The following BRD7 variants were observed in gnomAD, a reference collection of about 807,000 sequenced individuals.
BRD7 encodes bromodomain-containing protein 7.
BRD7 carries 15 observed loss-of-function variants against 82.1 expected under a neutral mutation model. That is an observed-to-expected ratio of 0.18 (90% CI 0.12 to 0.28). BRD7 has a LOEUF of 0.28. Among genes scored for constraint, BRD7 ranks in the 10% least tolerant of loss-of-function variants. BRD7 has a pLI of 1.00. For missense variants in BRD7, 638 were observed against 779.9 expected (o/e 0.82, Z 2.17); for synonymous variants, 232 against 266.9 (o/e 0.87, Z 1.27).
chr16:50,320,942 A>G (rs1162095384), intron 13 of BRD7, among the ~76,000 whole-genome samples, 168 bp from the exon 14 acceptor site: 1 of 152,240 alleles, frequency 6.6e-6, no homozygotes, highest in Non-Finnish European at 1.5e-5. Context: ...ACACCCTTTT[A>G]AAATGCTATT....
At chr16:50,327,757 T>C (rs773088123) in intron 9 of BRD7, among the ~76,000 whole-genome samples, 3 of 152,216 alleles carry the variant, frequency 2.0e-5, no homozygotes, top group Non-Finnish European at 4.4e-5. Context: ...TTATTCATTA[T>C]AGACACACAC....
At chr16:50,365,923 G>A (rs1483701479) in intron 2 of BRD7, among the ~76,000 whole-genome samples, 1 of 152,174 alleles carries the variant, frequency 6.6e-6, no homozygotes, top group Non-Finnish European at 1.5e-5. Flanking sequence ...CAAGCACACA[G>A]CTCTGAACTG....
intron 5 of BRD7, among the ~76,000 whole-genome samples, chr16:50,347,082 C>T (rs563116028): frequency 1.3e-5 from 2 of 152,174 alleles, no homozygotes; most frequent in African/African-American, 2.4e-5. Flanking sequence ...TGGCTTCATC[C>T]CTGGGAGGCA....
chr16:50,333,268 A>T (rs900854351), intron 8 of BRD7, among the ~76,000 whole-genome samples: 3 of 152,226 alleles, frequency 2.0e-5, no homozygotes, highest in Middle Eastern at 3.2e-3. Flanking sequence ...AAAATCCAGT[A>T]AAAGAGGGTA....
In BRD7 at chr16:50,316,978, T is replaced by C. The variant is rs996561874; in HGVS notation, c.*2233A>G. ...CAAGATGATTATACAGGGTTGCAGA[T>C]TGGGTGACTGACCAGACTTGTTGGG... On this transcript the variant is annotated 3_prime_UTR_variant, in exon 17 of 17. Coordinates refer to ENST00000394688, the MANE Select transcript of BRD7 (RefSeq NM_013263.5). The C allele has an allele frequency of 6.5e-6, 1 of 152,706 alleles. No homozygotes were observed. The highest frequency in any genetic ancestry group is 2.4e-5 in the African/African-American group (1 of 41,416). The allele number at this position is 152,706 out of a possible 1,614,324, so 9.5% of individuals were successfully genotyped here. A position where few individuals can be genotyped will look rare whatever the true frequency, so the allele number is the denominator to read the frequency against.
At position 50,317,913 on chromosome 16, in the gene BRD7, CAAACAGAAG is replaced by C. The variant is rs990490158; in HGVS notation, c.*1289_*1297del. The C allele has an allele frequency of 2.0e-5, 3 of 151,912 alleles. No homozygotes were observed. Among genetic ancestry groups the C allele is most frequent in the Non-Finnish European group, 2.9e-5 (2 of 67,884 alleles). The allele number at this position is 151,912 out of a possible 1,614,324, so 9.4% of individuals were successfully genotyped here. ...ATTTCCTAACAAACAAACAAACAAA[CAAACAGAAG>C]AGAAGATCATTAACCACTGTATACT... On this transcript the variant is annotated 3_prime_UTR_variant, in exon 17 of 17. Coordinates refer to ENST00000394688, the MANE Select transcript of BRD7 (RefSeq NM_013263.5).
At chr16:50,324,840 G>C (rs563781176) in intron 11 of BRD7, among the ~76,000 whole-genome samples, 82 of 152,332 alleles carry the variant, frequency 5.4e-4, no homozygotes, top group African/African-American at 1.8e-3. Flanking sequence ...CCTATTTGTG[G>C]AATGCATAGA....
intron 2 of BRD7, among the ~76,000 whole-genome samples, chr16:50,363,059 T>A (rs142693837): frequency 2.6e-5 from 4 of 152,250 alleles, no homozygotes; most frequent in Non-Finnish European, 5.9e-5. Context: ...GTAGCAGTTG[T>A]TATTTGTAAA....
At chr16:50,335,896 A>G (rs1006024224) in intron 6 of BRD7, among the ~76,000 whole-genome samples, 15 of 152,202 alleles carry the variant, frequency 9.9e-5, no homozygotes, top group African/African-American at 3.6e-4. Flanking sequence ...TGGACTTTTA[A>G]AGTAATCTTA....
rs1246009227 is a variant in BRD7 at position 50,318,463 on chromosome 16, T to G, written c.*748A>C. 1 of 152,210 alleles carries G rather than the reference T, an allele frequency of 6.6e-6. No homozygotes were observed. The highest frequency in any genetic ancestry group is 1.5e-5 in the Non-Finnish European group (1 of 68,034). 9.4% of individuals were successfully genotyped at this position (152,210 alleles called of 1,614,324 possible). On this transcript the variant is annotated 3_prime_UTR_variant, in exon 17 of 17. Coordinates refer to ENST00000394688, the MANE Select transcript of BRD7 (RefSeq NM_013263.5). ...TTGTGTATAACAGGTTCTATACCGA[T>G]TCAGCAAAATCACCATTTATCTCAG...
At chr16:50,339,572 CTG>C (rs1266456137) in intron 6 of BRD7, among the ~76,000 whole-genome samples, 1 of 152,220 alleles carries the variant, frequency 6.6e-6, no homozygotes, top group Non-Finnish European at 1.5e-5. Flanking sequence ...CAGCGCATGA[CTG>C]TATTTTCTTA....
At chr16:50,368,040 TG>T (rs1254503873) in intron 2 of BRD7, 49 bp downstream of exon 2, 18 of 1,498,906 alleles carry the variant, frequency 1.2e-5, no homozygotes, top group Admixed American at 1.7e-5. Flanking sequence ...GGTTGGCACC[TG>T]GAAGAGGCAG....
intron 6 of BRD7, among the ~76,000 whole-genome samples, chr16:50,338,893 CTAAAG>C (rs1444565648): frequency 2.0e-5 from 3 of 152,212 alleles, no homozygotes; most frequent in Non-Finnish European, 4.4e-5. Context: ...GATTCGTTCC[CTAAAG>C]TAGTCTCTTA....
At chr16:50,368,401 C>A in intron 1 of BRD7, 103 bp from the exon 2 acceptor site, 1 of 1,229,750 alleles carries the variant, frequency 8.1e-7, no homozygotes, top group Non-Finnish European at 1.1e-6. Context: ...AAGCCCGAGG[C>A]GGCTTTGGGC....
rs541798440 is a variant in BRD7 at position 50,331,460 on chromosome 16, G to A, written c.1011+2114C>T. Among the ~76,000 whole-genome samples the A allele has an allele frequency of 1.1e-3, 173 of 152,344 alleles. 1 individual carries two copies. Among genetic ancestry groups the A allele is most frequent in the African/African-American group, 4.0e-3 (166 of 41,576 alleles). Reference sequence around the variant, plus strand: ...CTCATGTCTGTAATCCTAGCACTTTGGGAGGCTGAGTTGGGTGGATTGCTT... The same window carrying A: ...CTCATGTCTGTAATCCTAGCACTTTAGGAGGCTGAGTTGGGTGGATTGCTT... On this transcript the variant is annotated intron_variant, in intron 8 of 16. Transcript: ENST00000394688.
chr16:50,333,794 G>T, intron 7 of BRD7, 97 bp from the exon 8 acceptor site: 1 of 1,086,790 alleles, frequency 9.2e-7, no homozygotes, highest in Non-Finnish European at 1.3e-6. Context: ...CTAAAGTGGA[G>T]ACATTTGTAC....
chr16:50,328,088 G>A (rs1275040023), intron 9 of BRD7, among the ~76,000 whole-genome samples: 1 of 152,124 alleles, frequency 6.6e-6, no homozygotes, highest in African/African-American at 2.4e-5. Context: ...GTGACAAAAA[G>A]TTCTAATTGT....
At chr16:50,346,199 T>C (rs1200030767) in intron 5 of BRD7, among the ~76,000 whole-genome samples, 1 of 152,118 alleles carries the variant, frequency 6.6e-6, no homozygotes, top group African/African-American at 2.4e-5. Context: ...AAGGCAGAAA[T>C]AAAGATGTTC....
intron 13 of BRD7, among the ~76,000 whole-genome samples, chr16:50,321,706 C>G (rs1337304369): frequency 1.3e-5 from 2 of 151,872 alleles, no homozygotes; most frequent in Non-Finnish European, 2.9e-5. Flanking sequence ...GCTAATGGTT[C>G]CATTTATACT....
Sources: gnomAD v4.1 joint callset for allele counts (sites outside exome capture counted in the v4.1 genomes callset) on GRCh38, gnomAD v4.1.1 for gene constraint, MANE v1.5 for transcripts, NCBI Gene and HGNC (gene_info 2026-07-23, HGNC 2026-07-21) for gene names.